The following TTC27 variants were observed in gnomAD, a reference collection of about 807,000 sequenced individuals.
The protein encoded by TTC27 is tetratricopeptide repeat domain 27.
A neutral mutation model predicts 115.9 loss-of-function variants in TTC27; 79 were observed. That is an observed-to-expected ratio of 0.68 (90% CI 0.57 to 0.82). TTC27 has a LOEUF of 0.82. TTC27 is among the 40% of genes least tolerant of loss of function. TTC27 has a pLI of 0.00. For missense variants in TTC27, 1,054 were observed against 993.1 expected, an observed-to-expected ratio of 1.06 and a Z score of -0.82; for synonymous variants, 401 against 356.0, an observed-to-expected ratio of 1.13 and a Z score of -1.42.
chr2:32,673,430 C>T (rs12467864), intron 8 of TTC27, among the ~76,000 whole-genome samples: 128,600 of 151,914 alleles, frequency 0.85, 54,526 homozygotes, highest in Middle Eastern at 0.92. Context: ...TTTCGCCGTG[C>T]TTTCCAGGCT....
At chr2:32,774,347 G>C (rs560863703) in intron 13 of TTC27, among the ~76,000 whole-genome samples, 35 of 151,874 alleles carry the variant, frequency 2.3e-4, no homozygotes, top group Admixed American at 1.0e-3. Flanking sequence ...CATTTCTTTT[G>C]TATCTTTAGT....
intron 16 of TTC27, among the ~76,000 whole-genome samples, chr2:32,798,786 T>C (rs1474405644): frequency 2.0e-5 from 3 of 151,968 alleles, no homozygotes; most frequent in Admixed American, 1.3e-4. Context: ...GCGCTGTTGG[T>C]GGGAATGTAA....
At chr2:32,671,340 A>G (rs184830457) in intron 7 of TTC27, among the ~76,000 whole-genome samples, 2 of 151,650 alleles carry the variant, frequency 1.3e-5, no homozygotes, top group Non-Finnish European at 2.9e-5. Flanking sequence ...TCATTCATTC[A>G]CTTACTTATT....
chr2:32,747,140 A>T (rs1007317263), intron 12 of TTC27, among the ~76,000 whole-genome samples: 1 of 152,202 alleles, frequency 6.6e-6, no homozygotes, highest in African/African-American at 2.4e-5. Context: ...CACACCATCT[A>T]TTATGTTCCT....
At chr2:32,765,505 C>A (rs755360870) in intron 13 of TTC27, among the ~76,000 whole-genome samples, 10 of 152,006 alleles carry the variant, frequency 6.6e-5, no homozygotes, top group Middle Eastern at 3.2e-3. Flanking sequence ...TTCTTTAGGG[C>A]TGTGGGATTT....
At chr2:32,712,834 A>G (rs1327233585) in intron 10 of TTC27, among the ~76,000 whole-genome samples, 3 of 152,176 alleles carry the variant, frequency 2.0e-5, no homozygotes, top group South Asian at 2.1e-4. Flanking sequence ...GGCATGAGAC[A>G]CTGCACCCAG....
chr2:32,762,276 AGTG>A (rs1423376008), intron 13 of TTC27, among the ~76,000 whole-genome samples: 2 of 136,236 alleles, frequency 1.5e-5, no homozygotes, highest in African/African-American at 2.8e-5. Flanking sequence ...CACAGAGAGA[AGTG>A]TGTGTGTGTG....
intron 2 of TTC27, among the ~76,000 whole-genome samples, chr2:32,631,780 T>G (rs1295502758): frequency 6.6e-6 from 1 of 152,068 alleles, no homozygotes; most frequent in Admixed American, 6.5e-5. Flanking sequence ...AGGCTTTTAA[T>G]TTTATTTTGA....
intron 5 of TTC27, among the ~76,000 whole-genome samples, chr2:32,659,682 T>G (rs952875912): frequency 6.6e-6 from 1 of 152,032 alleles, no homozygotes; most frequent in African/African-American, 2.4e-5. Context: ...GCTATCCTAG[T>G]CCTCCACCCC....
chr2:32,778,789 C>T (rs1278825169), intron 14 of TTC27, among the ~76,000 whole-genome samples: 1 of 152,134 alleles, frequency 6.6e-6, no homozygotes, highest in Non-Finnish European at 1.5e-5. Context: ...TTATAAATAT[C>T]ACTACTATAA....
chr2:32,692,210 C>A (rs560921401), intron 9 of TTC27, among the ~76,000 whole-genome samples: 1 of 151,776 alleles, frequency 6.6e-6, no homozygotes, highest in Admixed American at 6.6e-5. Flanking sequence ...AATCCACCAA[C>A]TTTCTGAGGG....
chr2:32,779,057 C>G (rs1235294746), intron 14 of TTC27, among the ~76,000 whole-genome samples: 2 of 152,138 alleles, frequency 1.3e-5, no homozygotes, highest in Non-Finnish European at 2.9e-5. Flanking sequence ...AACCCCATGT[C>G]TCCTAAAAAT....
intron 10 of TTC27, among the ~76,000 whole-genome samples, chr2:32,710,943 C>T (rs1667554768): frequency 6.6e-6 from 1 of 150,686 alleles, no homozygotes; most frequent in African/African-American, 2.4e-5. Context: ...GTGAGACCCC[C>T]ATCTCTACTA....
chr2:32,690,440 C>A (rs146530431), intron 9 of TTC27, among the ~76,000 whole-genome samples: 1 of 152,208 alleles, frequency 6.6e-6, no homozygotes, highest in African/African-American at 2.4e-5. Context: ...CTTAGCAATA[C>A]TAGGCCCTTT....
At chr2:32,802,757 T>A (rs112024935) in intron 16 of TTC27, among the ~76,000 whole-genome samples, 2 of 152,322 alleles carry the variant, frequency 1.3e-5, no homozygotes, top group African/African-American at 4.8e-5. Flanking sequence ...GAGAACAACC[T>A]CAAGTTCAGT....
At chr2:32,678,972 C>G (rs1559202224) in intron 9 of TTC27, 50 bp downstream of exon 9, 1 of 1,494,924 alleles carries the variant, frequency 6.7e-7, no homozygotes, top group South Asian at 1.1e-5. Flanking sequence ...TGGTAAATTA[C>G]TTCCTCTGGT....
At chr2:32,755,389 C>G (rs1238939932) in intron 12 of TTC27, among the ~76,000 whole-genome samples, 1 of 152,144 alleles carries the variant, frequency 6.6e-6, no homozygotes, top group Non-Finnish European at 1.5e-5. Context: ...GAGACCAGCC[C>G]GGCCAACACA....
intron 16 of TTC27, 102 bp from the exon 17 acceptor site, chr2:32,810,922 G>A: frequency 7.6e-7 from 1 of 1,317,996 alleles, no homozygotes; most frequent in Non-Finnish European, 1.1e-6. Context: ...AGTTTCATAA[G>A]GTTTTTCATT....
At position 32,787,753 on chromosome 2, in the gene TTC27, A is replaced by G. The variant is rs148584129; in HGVS notation, c.1998+604A>G. Among the ~76,000 whole-genome samples, 515 of 152,182 alleles carry G rather than the reference A, an allele frequency of 3.4e-3. 3 individuals are homozygous for G. Among genetic ancestry groups the G allele is most frequent in the Non-Finnish European group, 5.9e-3 (402 of 68,010 alleles). ...TATGCTGTCTTCAGTGTAAAGTGAT[A>G]CTCTGAGATCATGCCACTGCACTCC... is the stretch of plus-strand genomic sequence containing the variant. On this transcript the variant is annotated intron_variant, in intron 16 of 19. Transcript: ENST00000317907.
Sources: gnomAD v4.1 joint callset for allele counts (sites outside exome capture counted in the v4.1 genomes callset) on GRCh38, gnomAD v4.1.1 for gene constraint, MANE v1.5 for transcripts, NCBI Gene and HGNC (gene_info 2026-07-23, HGNC 2026-07-21) for gene names.